Variants in GUCY1A2 observed in about 807,000 individuals in gnomAD.
GUCY1A2 encodes guanylate cyclase soluble subunit alpha-2.
A neutral mutation model predicts 63.5 loss-of-function variants in GUCY1A2; 27 were observed. That is an observed-to-expected ratio of 0.43 (90% CI 0.31 to 0.59). The LOEUF is 0.59. Ranked by LOEUF, GUCY1A2 falls within the 20% of genes least tolerant of loss-of-function variation. GUCY1A2 has a pLI of 0.11. For missense variants in GUCY1A2, 768 were observed against 913.3 expected (o/e 0.84, Z 2.05); for synonymous variants, 364 against 343.5 (o/e 1.06, Z -0.66).
At chr11:106,936,409 G>GTT (rs71470838) in intron 4 of GUCY1A2, among the ~76,000 whole-genome samples, 39 of 152,126 alleles carry the variant, frequency 2.6e-4, no homozygotes, top group Non-Finnish European at 1.0e-4. Context: ...AATCTGTTGG[G>GTT]TTTTTTAAAA....
intron 1 of GUCY1A2, among the ~76,000 whole-genome samples, chr11:106,992,118 A>G (rs1591357199): frequency 6.6e-6 from 1 of 152,210 alleles, no homozygotes. Context: ...TACTGCACAC[A>G]ATATTTAATG....
chr11:106,708,776 G>A, intron 6 of GUCY1A2, 110 bp from the exon 7 acceptor site: 2 of 651,250 alleles, frequency 3.1e-6, no homozygotes, highest in Non-Finnish European at 4.7e-6. Context: ...AAAAAACTAT[G>A]AGCTCCTCAA....
At chr11:106,796,767 C>A (rs1864769684) in intron 5 of GUCY1A2, among the ~76,000 whole-genome samples, 2 of 152,118 alleles carry the variant, frequency 1.3e-5, no homozygotes, top group African/African-American at 4.8e-5. Flanking sequence ...AGTTGCTCTT[C>A]TCAAGGAGTA....
intron 3 of GUCY1A2, among the ~76,000 whole-genome samples, chr11:106,944,402 G>C (rs1170054646): frequency 6.6e-6 from 1 of 151,672 alleles, no homozygotes; most frequent in African/African-American, 2.4e-5. Flanking sequence ...AGCTGTGACT[G>C]CACCACTGTA....
intron 3 of GUCY1A2, among the ~76,000 whole-genome samples, chr11:106,950,673 A>G (rs1860894323): frequency 6.6e-6 from 1 of 152,154 alleles, no homozygotes. Context: ...GCGGCCACAG[A>G]AGAGGCAGCA....
chr11:107,000,766 C>G (rs1455589), intron 1 of GUCY1A2, among the ~76,000 whole-genome samples: 65,714 of 151,984 alleles, frequency 0.43, 14,542 homozygotes, highest in Admixed American at 0.53. Flanking sequence ...AAGACTCTCT[C>G]TATCCTTTCC....
Position 106,776,127 on chromosome 11 carries a change from T to A in GUCY1A2, c.1836+312A>T, listed in dbSNP as rs375937503. On this transcript the variant is annotated intron_variant, in intron 6 of 7. Coordinates refer to ENST00000526355, the MANE Select transcript of GUCY1A2 (RefSeq NM_000855.3). Reference sequence around the variant, plus strand: ...CTTGGATTACCTCTAAAACTCCGAATCTCATCATCATCATTCTTGCTTGGA... The same window carrying A: ...CTTGGATTACCTCTAAAACTCCGAAACTCATCATCATCATTCTTGCTTGGA... 9.8e-5 allele frequency among the ~76,000 whole-genome samples: 15 copies of A among 152,308 alleles called. No homozygotes were observed. The East Asian group carries it at 2.5e-3, about 26-fold the overall frequency.
intron 4 of GUCY1A2, among the ~76,000 whole-genome samples, chr11:106,866,386 T>C (rs1425931074): frequency 1.3e-5 from 2 of 152,090 alleles, no homozygotes; most frequent in African/African-American, 4.8e-5. Context: ...ATATTTGTCA[T>C]TTAATGACTT....
chr11:106,975,901 T>A (rs1259888542), intron 3 of GUCY1A2, among the ~76,000 whole-genome samples: 1 of 152,132 alleles, frequency 6.6e-6, no homozygotes, highest in Non-Finnish European at 1.5e-5. Flanking sequence ...TTTTATTCCA[T>A]GCCACCCTCT....
chr11:106,778,228 A>G (rs1183626585), intron 5 of GUCY1A2, among the ~76,000 whole-genome samples: 1 of 152,186 alleles, frequency 6.6e-6, no homozygotes, highest in Non-Finnish European at 1.5e-5. Context: ...TAAATGCACA[A>G]TTCCAGTGTC....
chr11:106,803,470 A>G (rs1162042395), intron 5 of GUCY1A2, among the ~76,000 whole-genome samples: 1 of 152,270 alleles, frequency 6.6e-6, no homozygotes, highest in East Asian at 1.9e-4. Flanking sequence ...CATTTTATCT[A>G]TTTCTAGTAA....
chr11:106,805,253 T>TA (rs1319837242), intron 5 of GUCY1A2, among the ~76,000 whole-genome samples: 2 of 151,962 alleles, frequency 1.3e-5, no homozygotes, highest in African/African-American at 2.4e-5. Flanking sequence ...CTAACATTTT[T>TA]TTTTTTTTTT....
At chr11:106,732,051 T>C (rs1863514824) in intron 6 of GUCY1A2, among the ~76,000 whole-genome samples, 1 of 152,146 alleles carries the variant, frequency 6.6e-6, no homozygotes, top group Non-Finnish European at 1.5e-5. Context: ...AAAACTATTT[T>C]AAAATTCATA....
chr11:106,679,115 A>G lies in GUCY1A2; in HGVS notation c.*8434T>C, dbSNP rs1230435532. ...TCAGGACAATAAATCTTTGTCTTAAATTCTTTTTCTAACTGATAATTTTGA... is the reference window on the plus strand; with the variant it reads ...TCAGGACAATAAATCTTTGTCTTAAGTTCTTTTTCTAACTGATAATTTTGA... On this transcript the variant is annotated 3_prime_UTR_variant, in exon 8 of 8. Transcript: ENST00000526355. 5.4e-6 allele frequency: 1 copy of G among 184,712 alleles called. No individual in the cohort carries two copies. Among genetic ancestry groups the G allele is most frequent in the East Asian group, 8.7e-5 (1 of 11,440 alleles). 11.4% of individuals were successfully genotyped at this position (184,712 alleles called of 1,614,324 possible).
intron 6 of GUCY1A2, among the ~76,000 whole-genome samples, chr11:106,752,139 G>A (rs549275372): frequency 6.6e-6 from 1 of 152,312 alleles, no homozygotes; most frequent in South Asian, 2.1e-4. Flanking sequence ...AGGAGATAGT[G>A]AGTGTTGGAG....
intron 4 of GUCY1A2, among the ~76,000 whole-genome samples, chr11:106,895,441 G>A (rs1860033704): frequency 6.6e-6 from 1 of 152,116 alleles, no homozygotes; most frequent in Non-Finnish European, 1.5e-5. Context: ...ATCCCCATGT[G>A]TCAAGGAAGG....
At position 107,018,290 on chromosome 11, in the gene GUCY1A2, C is replaced by CGGGCT. The variant is rs1480640882; in HGVS notation, c.-240_-236dup. ...TGGGGCCCGGGCTCGGCGGCGGCGC[C>CGGGCT]GGGCTGGGCTGGGGGCCGCCGCCGC... is the stretch of plus-strand genomic sequence containing the variant. On this transcript the variant is annotated 5_prime_UTR_variant, in exon 1 of 8. Coordinates refer to ENST00000526355, the MANE Select transcript of GUCY1A2 (RefSeq NM_000855.3). The CGGGCT allele has an allele frequency of 8.9e-5, 13 of 145,522 alleles. No individual in the cohort carries two copies. 9.0% of individuals were successfully genotyped at this position (145,522 alleles called of 1,614,324 possible).
intron 4 of GUCY1A2, among the ~76,000 whole-genome samples, chr11:106,870,618 A>G (rs538918947): frequency 6.6e-6 from 1 of 152,214 alleles, no homozygotes; most frequent in Non-Finnish European, 1.5e-5. Flanking sequence ...GGGAATTATT[A>G]TAATGGCTGC....
intron 4 of GUCY1A2, among the ~76,000 whole-genome samples, chr11:106,872,865 T>C (rs1859699585): frequency 6.6e-6 from 1 of 152,172 alleles, no homozygotes; most frequent in African/African-American, 2.4e-5. Flanking sequence ...TAGGTATACA[T>C]GTGCCATGGT....
Sources: gnomAD v4.1 joint callset for allele counts (sites outside exome capture counted in the v4.1 genomes callset) on GRCh38, gnomAD v4.1.1 for gene constraint, MANE v1.5 for transcripts, NCBI Gene and HGNC (gene_info 2026-07-23, HGNC 2026-07-21) for gene names.